Variants in MYO6 observed in about 807,000 individuals in gnomAD.
The protein encoded by MYO6 is myosin VI.
In MYO6, 74 loss-of-function variants were observed where a neutral mutation model predicts 178.7. The ratio of observed to expected loss-of-function variants is 0.41; its 90% CI spans 0.34 to 0.50. The LOEUF (loss-of-function observed/expected upper bound fraction) is 0.50. Among genes scored for constraint, MYO6 ranks in the 20% least tolerant of loss-of-function variants. The pLI is 0.09. For synonymous variants in MYO6, 477 were observed against 504.6 expected (o/e 0.95, Z 0.73); for missense variants, 1,330 against 1,547.4 (o/e 0.86, Z 2.36).
At chr6:75,873,426 T>G (rs1044514938) in intron 20 of MYO6, 126 bp downstream of exon 20, 1 of 831,592 alleles carries the variant, frequency 1.2e-6, no homozygotes, top group Non-Finnish European at 2.0e-6. Context: ...ATTTTCATCT[T>G]ATATTTTCTT....
chr6:75,838,377 A>G (rs1773863761), intron 7 of MYO6, among the ~76,000 whole-genome samples: 1 of 152,108 alleles, frequency 6.6e-6, no homozygotes. Context: ...TTAATGGAGA[A>G]TAGTAAATGT....
chr6:75,794,501 A>G (rs1768576054), intron 1 of MYO6, among the ~76,000 whole-genome samples: 2 of 152,196 alleles, frequency 1.3e-5, no homozygotes, highest in Admixed American at 1.3e-4. Context: ...TATGTTCTCA[A>G]AATCTTGAAG....
chr6:75,778,531 A>G (rs2150043745), intron 1 of MYO6, among the ~76,000 whole-genome samples: 1 of 151,806 alleles, frequency 6.6e-6, no homozygotes, highest in African/African-American at 2.4e-5. Flanking sequence ...CGGGAGGCGG[A>G]GCTTGCATTG....
intron 31 of MYO6, 64 bp from the exon 32 acceptor site, chr6:75,908,432 A>G: frequency 6.7e-7 from 1 of 1,488,152 alleles, no homozygotes; most frequent in Non-Finnish European, 9.3e-7. Flanking sequence ...GAATAATTAT[A>G]TCATTATGTT....
intron 1 of MYO6, among the ~76,000 whole-genome samples, chr6:75,805,279 A>T (rs1769959556): frequency 6.6e-6 from 1 of 151,936 alleles, no homozygotes. Context: ...TGTTGGGATT[A>T]CAGGTGCGAG....
At chr6:75,863,691 G>T (rs1776403286) in intron 16 of MYO6, among the ~76,000 whole-genome samples, 1 of 151,916 alleles carries the variant, frequency 6.6e-6, no homozygotes, top group Non-Finnish European at 1.5e-5. Flanking sequence ...TCACCAGGTT[G>T]GCCAGGAGAG....
At chr6:75,792,763 C>T (rs1339541664) in intron 1 of MYO6, among the ~76,000 whole-genome samples, 4 of 151,770 alleles carry the variant, frequency 2.6e-5, no homozygotes, top group Admixed American at 2.6e-4. Flanking sequence ...TTCTGTGAAA[C>T]TTAGTTTCTT....
At position 75,917,871 on chromosome 6, in the gene MYO6, T is replaced by C. The variant is rs1781203821; in HGVS notation, c.*2859T>C. 1 of 85,650 alleles carries C rather than the reference T, an allele frequency of 1.2e-5. No homozygotes were observed. Among genetic ancestry groups the C allele is most frequent in the South Asian group, 4.6e-4 (1 of 2,178 alleles). 5.3% of individuals were successfully genotyped at this position (85,650 alleles called of 1,614,324 possible). ...ACTATGGTTCTCAGCGATCCAAATA[T>C]GTAGATCATTGGTTTTTTTTTTTAC... On this transcript the variant is annotated 3_prime_UTR_variant, in exon 35 of 35. Coordinates refer to ENST00000369977, the MANE Select transcript of MYO6 (RefSeq NM_004999.4).
At chr6:75,882,735 A>G (rs1778143581) in intron 23 of MYO6, among the ~76,000 whole-genome samples, 2 of 152,214 alleles carry the variant, frequency 1.3e-5, no homozygotes, top group South Asian at 4.1e-4. Context: ...TATATAGGCA[A>G]TAAACATATA....
At chr6:75,842,311 C>T (rs1774321277) in intron 9 of MYO6, among the ~76,000 whole-genome samples, 1 of 152,028 alleles carries the variant, frequency 6.6e-6, no homozygotes, top group Non-Finnish European at 1.5e-5. Flanking sequence ...GGTTAGAAAA[C>T]AGTGTACTTG....
At chr6:75,885,247 A>C (rs1778338203) in intron 23 of MYO6, among the ~76,000 whole-genome samples, 1 of 152,106 alleles carries the variant, frequency 6.6e-6, no homozygotes, top group Non-Finnish European at 1.5e-5. Context: ...AGAAATGTTA[A>C]AACTGGCTGG....
intron 13 of MYO6, 86 bp downstream of exon 13, chr6:75,857,340 A>T: frequency 7.3e-7 from 1 of 1,363,466 alleles, no homozygotes; most frequent in Non-Finnish European, 1.0e-6. Flanking sequence ...TCTCCTTTGT[A>T]ACTCATTTTA....
intron 23 of MYO6, among the ~76,000 whole-genome samples, chr6:75,884,443 A>G (rs1778273427): frequency 6.6e-6 from 1 of 152,218 alleles, no homozygotes. Context: ...GTAGCATACT[A>G]AGGAAATAAT....
intron 31 of MYO6, 82 bp downstream of exon 31, chr6:75,907,790 GTGTA>G (rs1780447896): frequency 1.9e-5 from 17 of 882,440 alleles, no homozygotes; most frequent in Admixed American, 9.4e-5. Flanking sequence ...AGGTGTGTGT[GTGTA>G]TGTGTGTGTG....
At chr6:75,833,071 T>C (rs1773280471) in intron 6 of MYO6, 124 bp downstream of exon 6, 3 of 710,302 alleles carry the variant, frequency 4.2e-6, no homozygotes, top group Non-Finnish European at 5.1e-6. Flanking sequence ...ACTGTAGCCT[T>C]GACCTCCTGG....
At position 75,839,882 on chromosome 6, in the gene MYO6, A is replaced by T. The variant is rs999282324; in HGVS notation, c.554-703A>T. Among the ~76,000 whole-genome samples the T allele has an allele frequency of 5.3e-5, 8 of 151,850 alleles. 1 individual carries two copies. In the South Asian group the frequency reaches 1.0e-3, roughly 20 times the overall value. ...GTCAAATAATACATCTCTTGCCTAT[A>T]TTTTCTCACAAGAGGTTTGCTGTTT... is the stretch of plus-strand genomic sequence containing the variant. On this transcript the variant is annotated intron_variant, in intron 7 of 34. Coordinates refer to ENST00000369977, the MANE Select transcript of MYO6 (RefSeq NM_004999.4).
chr6:75,898,731 A>C (rs996123420), intron 30 of MYO6, among the ~76,000 whole-genome samples: 8 of 152,096 alleles, frequency 5.3e-5, no homozygotes, highest in African/African-American at 1.9e-4. Flanking sequence ...CCTCATCATG[A>C]CAAAATGAGT....
chr6:75,829,662 GA>G (rs1206430441), intron 4 of MYO6, among the ~76,000 whole-genome samples: 1 of 151,872 alleles, frequency 6.6e-6, no homozygotes, highest in African/African-American at 2.4e-5. Flanking sequence ...ACTAAATAAA[GA>G]ACATATTTAA....
intron 10 of MYO6, among the ~76,000 whole-genome samples, chr6:75,845,441 C>G (rs1042905940): frequency 2.4e-4 from 37 of 152,076 alleles, no homozygotes; most frequent in African/African-American, 8.9e-4. Context: ...ACCTGTAATC[C>G]CAGCACTTTG....
Sources: gnomAD v4.1 joint callset for allele counts (sites outside exome capture counted in the v4.1 genomes callset) on GRCh38, gnomAD v4.1.1 for gene constraint, MANE v1.5 for transcripts, NCBI Gene and HGNC (gene_info 2026-07-23, HGNC 2026-07-21) for gene names.